The following WWOX variants were observed in gnomAD, a reference collection of about 807,000 sequenced individuals.
The protein encoded by WWOX is WW domain containing oxidoreductase.
Under a neutral mutation model 46.2 loss-of-function variants are expected in WWOX, and 69 were observed. The ratio of observed to expected loss-of-function variants is 1.49; its 90% confidence interval spans 1.23 to 1.82. WWOX has a LOEUF of 1.82. Ranked by LOEUF, WWOX falls within the 40% of genes most tolerant of loss-of-function variation. WWOX has a pLI of 0.00. For synonymous variants in WWOX, 359 were observed against 202.6 expected (o/e 1.77, Z -6.56); for missense variants, 919 against 542.6 (o/e 1.69, Z -6.89).
intron 8 of WWOX, among the ~76,000 whole-genome samples, chr16:78,723,764 G>T (rs2048757118): frequency 6.6e-6 from 1 of 151,814 alleles, no homozygotes; most frequent in Non-Finnish European, 1.5e-5. Flanking sequence ...TCCCACCTCT[G>T]CCAAGGTCAA....
At chr16:79,074,612 A>T (rs944136585) in intron 8 of WWOX, among the ~76,000 whole-genome samples, 1 of 151,738 alleles carries the variant, frequency 6.6e-6, no homozygotes, top group Non-Finnish European at 1.5e-5. Flanking sequence ...ATAAGCTAGG[A>T]ATACTAAGAA....
chr16:78,619,518 C>A (rs940340235), intron 8 of WWOX, among the ~76,000 whole-genome samples: 1 of 151,814 alleles, frequency 6.6e-6, no homozygotes, highest in African/African-American at 2.4e-5. Flanking sequence ...CTCCTATCCC[C>A]TTTCAGCTCC....
chr16:78,145,299 G>A (rs1265236529), intron 4 of WWOX, among the ~76,000 whole-genome samples: 6 of 152,158 alleles, frequency 3.9e-5, no homozygotes, highest in East Asian at 1.9e-4. Context: ...GAGGGACAAG[G>A]AAGCCAGTTT....
chr16:78,131,740 C>T (rs150844791), intron 4 of WWOX, among the ~76,000 whole-genome samples: 20 of 151,980 alleles, frequency 1.3e-4, no homozygotes, highest in Admixed American at 6.5e-5. Flanking sequence ...TGTGCCACCA[C>T]GCCCAGCTAT....
chr16:78,770,995 T>C (rs1288907831), intron 8 of WWOX, among the ~76,000 whole-genome samples: 1 of 152,044 alleles, frequency 6.6e-6, no homozygotes, highest in Non-Finnish European at 1.5e-5. Context: ...AGCAGAGACA[T>C]GAAGGAAGGG....
At chr16:78,663,945 A>G (rs995486384) in intron 8 of WWOX, among the ~76,000 whole-genome samples, 2 of 152,220 alleles carry the variant, frequency 1.3e-5, no homozygotes. Context: ...GAGGGGGGCC[A>G]ACCACACATG....
intron 8 of WWOX, among the ~76,000 whole-genome samples, chr16:78,820,547 G>A (rs754193859): frequency 1.3e-5 from 2 of 152,132 alleles, no homozygotes; most frequent in African/African-American, 4.8e-5. Flanking sequence ...GGTTTTTATT[G>A]GGATTAGTGG....
At chr16:78,436,978 G>A (rs892624969) in intron 8 of WWOX, among the ~76,000 whole-genome samples, 2 of 152,200 alleles carry the variant, frequency 1.3e-5, no homozygotes, top group African/African-American at 4.8e-5. Flanking sequence ...AATTGTGATT[G>A]AGAAGCTTAG....
rs550589329 is a variant in WWOX at position 78,958,545 on chromosome 16, T to C, written c.1057-253063T>C. On this transcript the variant is annotated intron_variant, in intron 8 of 8. Coordinates refer to ENST00000566780, the MANE Select transcript of WWOX (RefSeq NM_016373.4). ...GTTTTGCCAATTTGGGAAGTTATGG[T>C]GCCTTGCAGTTTCCAAAGTAAGCTG... is the stretch of plus-strand genomic sequence containing the variant. 7.2e-5 allele frequency among the ~76,000 whole-genome samples: 11 copies of C among 152,368 alleles called. 1 individual carries two copies. In the East Asian group the frequency reaches 1.9e-3, roughly 27 times the overall value.
intron 8 of WWOX, among the ~76,000 whole-genome samples, chr16:78,918,587 A>C (rs575451696): frequency 2.6e-5 from 4 of 152,246 alleles, no homozygotes; most frequent in Non-Finnish European, 4.4e-5. Flanking sequence ...AATGCTTGTT[A>C]CTATTTTGTG....
At chr16:78,516,905 C>CATT (rs1158665095) in intron 8 of WWOX, among the ~76,000 whole-genome samples, 1 of 152,154 alleles carries the variant, frequency 6.6e-6, no homozygotes, top group Non-Finnish European at 1.5e-5. Flanking sequence ...TCAAGATTAA[C>CATT]ATTATTATTA....
intron 8 of WWOX, among the ~76,000 whole-genome samples, chr16:78,882,593 CGCCTCCCGAGTA>C (rs113191094): frequency 0.54 from 80,705 of 150,510 alleles, 21,827 homozygotes; most frequent in Middle Eastern, 0.64. Flanking sequence ...CCTCTCTCCT[CGCCTCCCGAGTA>C]GCCTCCCGAG....
chr16:78,780,355 T>A (rs931674970), intron 8 of WWOX: 5 of 151,896 alleles, frequency 3.3e-5, no homozygotes, highest in Non-Finnish European at 5.9e-5. Context: ...CACTGGTTGA[T>A]TAATTCATTC....
intron 8 of WWOX, among the ~76,000 whole-genome samples, chr16:78,598,737 G>A (rs1166341886): frequency 6.6e-6 from 1 of 152,204 alleles, no homozygotes; most frequent in Non-Finnish European, 1.5e-5. Context: ...ACTACAGTGT[G>A]CCTGGAAAGG....
intron 5 of WWOX, among the ~76,000 whole-genome samples, chr16:78,191,775 C>T (rs912859647): frequency 2.1e-4 from 32 of 152,090 alleles, no homozygotes; most frequent in African/African-American, 6.0e-4. Flanking sequence ...GGAGGCGCTG[C>T]TGTGTGGAAA....
At chr16:79,089,593 G>A (rs1266464669) in intron 8 of WWOX, among the ~76,000 whole-genome samples, 1 of 152,052 alleles carries the variant, frequency 6.6e-6, no homozygotes, top group African/African-American at 2.4e-5. Context: ...AAGTCCCAAC[G>A]TGCTGGGATT....
chr16:79,208,611 G>A (rs1057106519), intron 8 of WWOX, among the ~76,000 whole-genome samples: 1 of 146,048 alleles, frequency 6.8e-6, no homozygotes, highest in Non-Finnish European at 1.5e-5. Flanking sequence ...TCATCTGATG[G>A]TGATTAAAGT....
intron 6 of WWOX, among the ~76,000 whole-genome samples, chr16:78,400,373 TGA>T (rs1475582904): frequency 6.6e-6 from 1 of 152,140 alleles, no homozygotes; most frequent in Non-Finnish European, 1.5e-5. Flanking sequence ...TGAAAACTCC[TGA>T]GAGACTGACA....
At position 78,402,088 on chromosome 16, in the gene WWOX, A is replaced by C. The variant is rs1287788309; in HGVS notation, c.605+15140A>C. On this transcript the variant is annotated intron_variant, in intron 6 of 8. Coordinates refer to ENST00000566780, the MANE Select transcript of WWOX (RefSeq NM_016373.4). Reference sequence around the variant, plus strand: ...ATTACCACTTTTGAATTGCAGAACAATTTCATCACTCCAAAAAGAAATCTC... The same window carrying C: ...ATTACCACTTTTGAATTGCAGAACACTTTCATCACTCCAAAAAGAAATCTC... 3.9e-5 allele frequency among the ~76,000 whole-genome samples: 6 copies of C among 152,166 alleles called. 1 individual carries two copies. Among genetic ancestry groups the C allele is most frequent in the Non-Finnish European group, 8.8e-5 (6 of 68,026 alleles).
Sources: gnomAD v4.1 joint callset for allele counts (sites outside exome capture counted in the v4.1 genomes callset) on GRCh38, gnomAD v4.1.1 for gene constraint, MANE v1.5 for transcripts, NCBI Gene and HGNC (gene_info 2026-07-23, HGNC 2026-07-21) for gene names.